GPC6: variants seen among roughly 807,000 people sequenced by gnomAD.
GPC6 encodes the protein glypican-6.
A neutral mutation model predicts 55.2 loss-of-function variants in GPC6; 14 were observed. That is an observed-to-expected ratio of 0.25 (90% CI 0.17 to 0.40). The LOEUF (loss-of-function observed/expected upper bound fraction) is 0.40, where lower values mean the gene tolerates loss of function less well. Among genes scored for constraint, GPC6 ranks in the 10% least tolerant of loss-of-function variants. The pLI, the probability that GPC6 is intolerant of heterozygous loss-of-function variation, is 1.00. For synonymous variants in GPC6, 278 were observed against 259.6 expected, an observed-to-expected ratio of 1.07 and a Z score of -0.68; for missense variants, 641 against 708.5, an observed-to-expected ratio of 0.90 and a Z score of 1.08.
intron 4 of GPC6, among the ~76,000 whole-genome samples, chr13:94,148,884 T>TA (rs1887645829): frequency 6.6e-6 from 1 of 152,106 alleles, no homozygotes; most frequent in African/African-American, 2.4e-5. Flanking sequence ...AAAATGGAGA[T>TA]AAAATATATT....
At chr13:93,269,315 C>T (rs977349156) in intron 1 of GPC6, among the ~76,000 whole-genome samples, 1 of 152,100 alleles carries the variant, frequency 6.6e-6, no homozygotes, top group Non-Finnish European at 1.5e-5. Context: ...TATATTAAGA[C>T]AGATGTATAA....
chr13:93,569,844 T>C (rs571404020), intron 2 of GPC6, among the ~76,000 whole-genome samples: 1 of 152,224 alleles, frequency 6.6e-6, no homozygotes, highest in Non-Finnish European at 1.5e-5. Context: ...CTATTCAGAA[T>C]TTGTGTGAAA....
intron 1 of GPC6, among the ~76,000 whole-genome samples, chr13:93,274,423 AT>A (rs1877659551): frequency 6.6e-6 from 1 of 152,186 alleles, no homozygotes; most frequent in African/African-American, 2.4e-5. Flanking sequence ...TACTATCAAT[AT>A]ATTGAATTTT....
chr13:93,446,697 C>T (rs1463345943), intron 1 of GPC6, among the ~76,000 whole-genome samples: 1 of 152,124 alleles, frequency 6.6e-6, no homozygotes, highest in Non-Finnish European at 1.5e-5. Context: ...ATTGAGGTAA[C>T]AATGTGACTG....
intron 4 of GPC6, among the ~76,000 whole-genome samples, chr13:94,147,319 C>T (rs1400715131): frequency 1.3e-5 from 2 of 152,022 alleles, no homozygotes; most frequent in African/African-American, 4.8e-5. Flanking sequence ...GATGCATATA[C>T]GGGTACTCCA....
intron 3 of GPC6, among the ~76,000 whole-genome samples, chr13:93,914,173 G>A (rs1216780854): frequency 1.3e-5 from 2 of 152,040 alleles, no homozygotes; most frequent in Non-Finnish European, 2.9e-5. Context: ...CCATCAACTC[G>A]TCATTTAACA....
chr13:93,616,310 C>G (rs1312626195), intron 2 of GPC6, among the ~76,000 whole-genome samples: 1 of 151,944 alleles, frequency 6.6e-6, no homozygotes, highest in African/African-American at 2.4e-5. Flanking sequence ...TGTACGAATA[C>G]TTTAATGGAA....
intron 6 of GPC6, among the ~76,000 whole-genome samples, chr13:94,316,689 C>A (rs1262074643): frequency 6.8e-6 from 1 of 147,284 alleles, no homozygotes; most frequent in Non-Finnish European, 1.5e-5. Context: ...TGCACTCCAG[C>A]CTGGGCGACA....
intron 3 of GPC6, among the ~76,000 whole-genome samples, chr13:94,007,845 CT>C (rs1468600600): frequency 1.3e-5 from 2 of 151,808 alleles, no homozygotes; most frequent in African/African-American, 2.4e-5. Flanking sequence ...AGGGACATTT[CT>C]TTTTTCTACA....
chr13:93,564,406 G>T (rs1045530914), intron 2 of GPC6, among the ~76,000 whole-genome samples: 3 of 152,088 alleles, frequency 2.0e-5, no homozygotes, highest in Non-Finnish European at 4.4e-5. Flanking sequence ...AGCAATAAGA[G>T]AAAAGTCCTT....
At chr13:94,262,748 T>C (rs1241079063) in intron 4 of GPC6, among the ~76,000 whole-genome samples, 1 of 151,742 alleles carries the variant, frequency 6.6e-6, no homozygotes, top group African/African-American at 2.4e-5. Context: ...AAGGAAAGGC[T>C]ACTTTTTAAT....
chr13:93,401,546 G>A (rs956836461), intron 1 of GPC6, among the ~76,000 whole-genome samples: 1 of 150,198 alleles, frequency 6.7e-6, no homozygotes, highest in African/African-American at 2.4e-5. Flanking sequence ...AAGCGATATT[G>A]TTTCAGACAC....
chr13:93,716,489 A>C (rs1382304926), intron 2 of GPC6, among the ~76,000 whole-genome samples: 1 of 151,626 alleles, frequency 6.6e-6, no homozygotes, highest in Non-Finnish European at 1.5e-5. Flanking sequence ...TTTTTAACAA[A>C]AACAAAATTA....
In GPC6 at chr13:93,584,728, C is replaced by G. The variant is rs1195124548; in HGVS notation, c.319+39307C>G. Among the ~76,000 whole-genome samples the G allele has an allele frequency of 2.6e-5, 3 of 114,586 alleles. No individual in the cohort carries two copies. In the East Asian group the frequency reaches 8.3e-4, roughly 32 times the overall value. 75.2% of individuals were successfully genotyped at this position (114,586 alleles called of 152,430 possible). ...TTTTTTGAGACAGGGTCTCTCTGTT[C>G]CCCAGGCTGGAGTGCATTAGTGTGA... On this transcript the variant is annotated intron_variant, in intron 2 of 8. Transcript: ENST00000377047.
At chr13:93,231,008 G>A (rs1420313533) in intron 1 of GPC6, among the ~76,000 whole-genome samples, 1 of 151,800 alleles carries the variant, frequency 6.6e-6, no homozygotes, top group African/African-American at 2.4e-5. Context: ...CTCTTATATA[G>A]AATTTACTAT....
At chr13:93,436,278 T>C (rs540120237) in intron 1 of GPC6, among the ~76,000 whole-genome samples, 1 of 152,210 alleles carries the variant, frequency 6.6e-6, no homozygotes, top group East Asian at 1.9e-4. Context: ...CAATTCTCAG[T>C]GGTAAAAGTG....
At chr13:93,528,325 C>T (rs1267243840) in intron 1 of GPC6, among the ~76,000 whole-genome samples, 2 of 152,152 alleles carry the variant, frequency 1.3e-5, no homozygotes, top group Admixed American at 6.6e-5. Context: ...GGCTGTGGGA[C>T]TGCAACTGCA....
At chr13:94,325,002 G>A (rs983922043) in intron 6 of GPC6, among the ~76,000 whole-genome samples, 4 of 152,138 alleles carry the variant, frequency 2.6e-5, no homozygotes, top group African/African-American at 9.7e-5. Flanking sequence ...TCCTCGTGGT[G>A]TCTGTGATGT....
intron 4 of GPC6, among the ~76,000 whole-genome samples, chr13:94,116,376 G>A (rs907609402): frequency 6.6e-6 from 1 of 151,998 alleles, no homozygotes; most frequent in Non-Finnish European, 1.5e-5. Flanking sequence ...AAAATTAAAA[G>A]AAGTCCCAAT....
Sources: gnomAD v4.1 joint callset for allele counts (sites outside exome capture counted in the v4.1 genomes callset) on GRCh38, gnomAD v4.1.1 for gene constraint, MANE v1.5 for transcripts, NCBI Gene and HGNC (gene_info 2026-07-23, HGNC 2026-07-21) for gene names.